DNHD1: variants seen among roughly 807,000 people sequenced by gnomAD.
The protein encoded by DNHD1 is dynein heavy chain domain-containing protein 1.
A neutral mutation model predicts 458.1 loss-of-function variants in DNHD1; 383 were observed. The ratio of observed to expected loss-of-function variants is 0.84; its 90% CI spans 0.77 to 0.91. The LOEUF is 0.91. Among genes scored for constraint, DNHD1 ranks in the 40% least tolerant of loss-of-function variants. The pLI, the probability that DNHD1 is intolerant of heterozygous loss-of-function variation, is 0.00. For missense variants in DNHD1, 5,336 were observed against 5,866.1 expected (o/e 0.91, Z 2.95); for synonymous variants, 2,203 against 2,376.9 (o/e 0.93, Z 2.13).
rs192641578 is a variant in DNHD1 at position 6,506,830 on chromosome 11, G to A, written c.921-2050G>A. Among the ~76,000 whole-genome samples the A allele has an allele frequency of 8.8e-4, 134 of 152,268 alleles. 1 individual carries two copies. The highest frequency in any genetic ancestry group is 8.4e-4 in the Non-Finnish European group (57 of 68,034). On this transcript the variant is annotated intron_variant, in intron 4 of 42. Coordinates refer to ENST00000254579, the MANE Select transcript of DNHD1 (RefSeq NM_144666.3). ...TAGAATGAGAGCTCCATCAGGGAGG[G>A]GTTTGGGTTTGTTGTGTTTAATGAT...
Position 6,548,518 on chromosome 11 carries a change from C to A in DNHD1, c.7098+116C>A. The A allele has an allele frequency of 1.4e-6, 2 of 1,453,138 alleles. No individual in the cohort carries two copies. Among genetic ancestry groups the A allele is most frequent in the Non-Finnish European group, 1.9e-6 (2 of 1,074,344 alleles). The allele number at this position is 1,453,138 out of a possible 1,614,324, so 90.0% of individuals were successfully genotyped here. A position where few individuals can be genotyped will look rare whatever the true frequency, so the allele number is the denominator to read the frequency against. On this transcript the variant is annotated intron_variant, in intron 23 of 42. Coordinates refer to ENST00000254579, the MANE Select transcript of DNHD1 (RefSeq NM_144666.3). This position sits in a 1 kb window ranked among gnomAD's most constrained non-coding sequence, Gnocchi z 4.4. ...GCTCCCTTTCTTTGATATATTTTCA[C>A]AATCACAAGAATACATGAAATATTT... is the stretch of plus-strand genomic sequence containing the variant.
rs1380777377 is a variant in DNHD1 at position 6,545,002 on chromosome 11, C to T, written c.4063C>T (p.His1355Tyr). Residue 1355 changes from histidine to tyrosine, a missense_variant, in exon 21 of 43, where the codon CAC becomes TAC. By Grantham distance (83) the His-to-Tyr change is moderately conservative. Coordinates refer to ENST00000254579, the MANE Select transcript of DNHD1 (RefSeq NM_144666.3). The surrounding 1 kb of genome is among the most constrained non-coding windows in gnomAD (Gnocchi z 4.9). ...LESVLYGVCA[H>Y]FPRLFFLSDS... ...GAGCGTGCTCTATGGGGTGTGTGCT[C>T]ACTTCCCCCGCCTCTTCTTCCTTAG... is the stretch of plus-strand genomic sequence containing the variant. The T allele has an allele frequency of 5.8e-6, 9 of 1,551,640 alleles. No individual in the cohort carries two copies.
intron 14 of DNHD1, among the ~76,000 whole-genome samples, chr11:6,534,467 G>A (rs1399650114): frequency 6.6e-6 from 1 of 152,166 alleles, no homozygotes; most frequent in Non-Finnish European, 1.5e-5. Flanking sequence ...GCATGTGTGG[G>A]AGAAATGTAA....
intron 10 of DNHD1, among the ~76,000 whole-genome samples, chr11:6,525,203 CT>C (rs1477821398): frequency 6.6e-6 from 1 of 152,176 alleles, no homozygotes; most frequent in Non-Finnish European, 1.5e-5. Context: ...CTGACTCTCA[CT>C]TTTTGCCAGG....
At chr11:6,508,809 A>T in intron 4 of DNHD1, 71 bp from the exon 5 acceptor site, 1 of 1,460,696 alleles carries the variant, frequency 6.8e-7, no homozygotes, top group Non-Finnish European at 9.5e-7. Flanking sequence ...CATCTCCTGT[A>T]TCCTCCTTTG....
At chr11:6,520,487 G>C in intron 10 of DNHD1, 198 bp downstream of exon 10, 1 of 1,436,522 alleles carries the variant, frequency 7.0e-7, no homozygotes, top group Non-Finnish European at 9.1e-7. Context: ...ACAAATTCAC[G>C]TGGTTATGTG....
chr11:6,543,176 A>G (rs1171674947), intron 18 of DNHD1, among the ~76,000 whole-genome samples: 3 of 152,218 alleles, frequency 2.0e-5, no homozygotes, highest in Non-Finnish European at 2.9e-5. Flanking sequence ...GAGCAGGATA[A>G]TGAGTTTTCT....
chr11:6,538,564 G>A (rs796185914), intron 15 of DNHD1, 48 bp from the exon 16 acceptor site: 2 of 1,551,150 alleles, frequency 1.3e-6, no homozygotes, highest in Non-Finnish European at 1.7e-6. Flanking sequence ...CTACAGTGGT[G>A]GGGGAGGGGA....
intron 10 of DNHD1, among the ~76,000 whole-genome samples, chr11:6,527,442 G>A (rs757867458): frequency 3.3e-5 from 5 of 152,172 alleles, no homozygotes; most frequent in Non-Finnish European, 7.3e-5. Flanking sequence ...AAGAGTCAAA[G>A]GTGACTATAA....
chr11:6,544,221 G>A lies in DNHD1; in HGVS notation c.3729G>A (p.Glu1243=). ...KSGDLNKIAL[E]WVAIMHGLGA... Reference sequence around the variant, plus strand: ...GAGATTTAAACAAAATAGCTTTGGAGTGGGTGGCCATCATGCATGGCCTGG... The same window carrying A: ...GAGATTTAAACAAAATAGCTTTGGAATGGGTGGCCATCATGCATGGCCTGG... The change falls in exon 19 of 43, where the codon GAG becomes GAA. Residue 1243 remains glutamate, a synonymous_variant. Coordinates refer to ENST00000254579, the MANE Select transcript of DNHD1 (RefSeq NM_144666.3). 6.4e-7 allele frequency: 1 copy of A among 1,551,636 alleles called. No homozygotes were observed. The highest frequency in any genetic ancestry group is 1.2e-5 in the South Asian group (1 of 84,066).
chr11:6,552,577 G>A (rs2134439766), intron 24 of DNHD1, among the ~76,000 whole-genome samples: 1 of 152,140 alleles, frequency 6.6e-6, no homozygotes, highest in Non-Finnish European at 1.5e-5. Context: ...CCGCATGGAT[G>A]GGGAGCCCTC....
intron 7 of DNHD1, among the ~76,000 whole-genome samples, chr11:6,511,755 G>A (rs1332032556): frequency 6.6e-6 from 1 of 152,204 alleles, no homozygotes; most frequent in African/African-American, 2.4e-5. Flanking sequence ...AGGAATCCTG[G>A]TCTTTTATGC....
Position 6,566,736 on chromosome 11 carries a change from G to C in DNHD1, c.11356G>C (p.Asp3786His). Reference protein sequence around the residue: ...RWQDLKIRALDTCKAVEAAEE... With the variant: ...RWQDLKIRALHTCKAVEAAEE... ...GCAGGACCTAAAGATCAGAGCCCTA[G>C]ATACCTGCAAGGCTGTGGAGGCTGC... The change falls in exon 35 of 43, where the codon GAT (aspartate) becomes CAT (histidine). Residue 3786 changes from aspartate to histidine, a missense_variant. Coordinates refer to ENST00000254579, the MANE Select transcript of DNHD1 (RefSeq NM_144666.3). 1 of 1,611,498 alleles carries C rather than the reference G, an allele frequency of 6.2e-7. No individual in the cohort carries two copies. The highest frequency in any genetic ancestry group is 8.5e-7 in the Non-Finnish European group (1 of 1,178,800).
chr11:6,555,226 C>G (rs1242244027), intron 24 of DNHD1, among the ~76,000 whole-genome samples: 1 of 6,110 alleles, frequency 1.6e-4, no homozygotes, highest in Non-Finnish European at 7.4e-4. Context: ...CTCTCTGTCT[C>G]TTTCTCTCTC....
At chr11:6,500,125 C>T (rs1852105619) in intron 3 of DNHD1, among the ~76,000 whole-genome samples, 1 of 152,120 alleles carries the variant, frequency 6.6e-6, no homozygotes, top group African/African-American at 2.4e-5. Context: ...CCACCACGCT[C>T]AGCTGATTTT....
intron 18 of DNHD1, among the ~76,000 whole-genome samples, chr11:6,543,003 G>A (rs1359856381): frequency 6.6e-6 from 1 of 152,226 alleles, no homozygotes; most frequent in Non-Finnish European, 1.5e-5. Flanking sequence ...AGGTAGCTGT[G>A]TAGAGGACTG....
rs149096875 is a variant in DNHD1, at chr11:6,538,471, C to T, written c.3087C>T (p.Ser1029=). 3.8e-4 allele frequency: 593 copies of T among 1,551,784 alleles called. 9 individuals are homozygous for T. In the South Asian group the frequency reaches 4.2e-3, roughly 11 times the overall value. ...TATGGCACCTGTACCGAGTCATCTC[C>T]GAAAACATCAGCGAGTGGAAGTGCA... ...QRIWHLYRVI[S]ENISEWKCMA... Residue 1029 remains serine (S), a synonymous_variant, in exon 15 of 43, where the codon TCC becomes TCT. Coordinates refer to ENST00000254579, the MANE Select transcript of DNHD1 (RefSeq NM_144666.3).
chr11:6,561,823 C>G (rs1440164255), intron 28 of DNHD1, among the ~76,000 whole-genome samples: 2 of 151,986 alleles, frequency 1.3e-5, no homozygotes, highest in Admixed American at 1.3e-4. Context: ...GGCCTAGAGG[C>G]AAAAGAGTGT....
intron 7 of DNHD1, among the ~76,000 whole-genome samples, chr11:6,513,227 A>C (rs1190681782): frequency 6.6e-6 from 1 of 152,248 alleles, no homozygotes; most frequent in East Asian, 1.9e-4. Context: ...ATATTAAGGT[A>C]TAATTCATAT....
Sources: allele counts gnomAD v4.1 joint callset (sites outside exome capture counted in the v4.1 genomes callset), GRCh38; gene constraint gnomAD v4.1.1; non-coding constraint Gnocchi (gnomAD v3.1); transcripts MANE v1.5; gene names NCBI Gene and HGNC (gene_info 2026-07-23, HGNC 2026-07-21).